Variants in PTPN13 observed in about 807,000 individuals in gnomAD.
PTPN13 encodes tyrosine-protein phosphatase non-receptor type 13.
PTPN13 carries 191 observed loss-of-function variants against 284.0 expected under a neutral mutation model. That is an observed-to-expected ratio of 0.67 (90% confidence interval 0.60 to 0.76). The LOEUF is 0.76. PTPN13 is among the 30% of genes least tolerant of loss of function. The pLI, the probability that PTPN13 is intolerant of heterozygous loss-of-function variation, is 0.00. For synonymous variants in PTPN13, 986 were observed against 1,022.3 expected (o/e 0.96, Z 0.68); for missense variants, 2,797 against 2,939.9 (o/e 0.95, Z 1.12).
In PTPN13 at chr4:86,707,725, ATTAT is replaced by A. The variant is rs1324959082; in HGVS notation, c.1195+5928_1195+5931del. Among the ~76,000 whole-genome samples, 5 of 152,114 alleles carry A rather than the reference ATTAT, an allele frequency of 3.3e-5. No homozygotes were observed. In the East Asian group the frequency reaches 9.6e-4, roughly 29 times the overall value. On this transcript the variant is annotated intron_variant, in intron 7 of 47. Coordinates refer to ENST00000411767, the MANE Select transcript of PTPN13 (RefSeq NM_080683.3). ...ATAGCAAGAAAAAAATGATTGAGTT[ATTAT>A]TTAAGTTACTCCGTGAGCTAAAATA...
chr4:86,605,619 T>C (rs1168363025), intron 1 of PTPN13, among the ~76,000 whole-genome samples: 1 of 151,798 alleles, frequency 6.6e-6, no homozygotes, highest in Non-Finnish European at 1.5e-5. Flanking sequence ...TATTGATGAA[T>C]AGAAATAAAA....
intron 3 of PTPN13, among the ~76,000 whole-genome samples, chr4:86,684,455 G>A (rs944279353): frequency 6.6e-6 from 1 of 152,066 alleles, no homozygotes; most frequent in Non-Finnish European, 1.5e-5. Flanking sequence ...AAATCTGCTT[G>A]CAAAATGGAA....
chr4:86,803,135 TAC>T (rs1026560068), intron 42 of PTPN13, among the ~76,000 whole-genome samples: 8 of 150,100 alleles, frequency 5.3e-5, no homozygotes, highest in East Asian at 2.0e-4. Context: ...CTTAGCCAGG[TAC>T]ACACACACAT....
At chr4:86,650,239 A>C (rs529725114) in intron 2 of PTPN13, among the ~76,000 whole-genome samples, 43 of 152,218 alleles carry the variant, frequency 2.8e-4, no homozygotes, top group Middle Eastern at 6.8e-3. Context: ...TGCCTGCCTC[A>C]TCCTCCCAAA....
intron 2 of PTPN13, among the ~76,000 whole-genome samples, chr4:86,648,526 C>T (rs180684838): frequency 9.9e-5 from 15 of 152,126 alleles, no homozygotes; most frequent in African/African-American, 7.2e-5. Context: ...AATGTGCTCC[C>T]GTTCCATCCA....
Position 86,778,730 on chromosome 4 carries a change from A to G in PTPN13, c.5892-1672A>G, listed in dbSNP as rs566071796. ...AGCAAAATGATTTCTTTCTTTAAAAAAAAGTGGAGGAAAGTAGAAATTTAC... is the reference window on the plus strand; with the variant it reads ...AGCAAAATGATTTCTTTCTTTAAAAGAAAGTGGAGGAAAGTAGAAATTTAC... On this transcript the variant is annotated intron_variant, in intron 35 of 47. Coordinates refer to ENST00000411767, the MANE Select transcript of PTPN13 (RefSeq NM_080683.3). Among the ~76,000 whole-genome samples the G allele has an allele frequency of 5.3e-5, 8 of 152,302 alleles. No homozygotes were observed. In the East Asian group the frequency reaches 1.5e-3, roughly 29 times the overall value.
chr4:86,735,885 T>C (rs1578532070), intron 15 of PTPN13, 139 bp downstream of exon 15: 5 of 756,546 alleles, frequency 6.6e-6, no homozygotes, highest in African/African-American at 1.8e-5. Flanking sequence ...GCTAAAATTA[T>C]GGTATTTTAA....
chr4:86,639,158 A>G (rs1182251995), intron 2 of PTPN13, among the ~76,000 whole-genome samples: 3 of 151,736 alleles, frequency 2.0e-5, no homozygotes, highest in Non-Finnish European at 4.4e-5. Context: ...AATGGCAATC[A>G]TTAAAAAGTC....
In PTPN13 at chr4:86,734,789, G is replaced by A; in HGVS notation, c.2065G>A (p.Glu689Lys). 1 of 1,613,288 alleles carries A rather than the reference G, an allele frequency of 6.2e-7. No individual in the cohort carries two copies. Among genetic ancestry groups the A allele is most frequent in the Non-Finnish European group, 8.5e-7 (1 of 1,179,476 alleles). Residue 689 changes from glutamate (E) to lysine (K), a missense_variant, in exon 14 of 48, where the codon GAG (glutamate) becomes AAG (lysine). Coordinates refer to ENST00000411767, the MANE Select transcript of PTPN13 (RefSeq NM_080683.3). Reference sequence around the variant, plus strand: ...CCTTCAGCTTCGAAAAGATATTTTGGAGGAAAGGATGCACTGTGATGATGA... The same window carrying A: ...CCTTCAGCTTCGAAAAGATATTTTGAAGGAAAGGATGCACTGTGATGATGA... Reference protein sequence around the residue: ...YYLQLRKDILEERMHCDDETS... With the variant: ...YYLQLRKDILKERMHCDDETS...
intron 45 of PTPN13, among the ~76,000 whole-genome samples, chr4:86,808,229 C>G (rs952578327): frequency 6.6e-6 from 1 of 152,150 alleles, no homozygotes; most frequent in African/African-American, 2.4e-5. Flanking sequence ...ATGGTCAGAC[C>G]TCTAAGTAGA....
intron 7 of PTPN13, among the ~76,000 whole-genome samples, chr4:86,711,098 C>CTTTTTTTTTTTTTTTTTTTTT (rs58186398): frequency 4.1e-5 from 4 of 97,134 alleles, no homozygotes; most frequent in African/African-American, 7.8e-5. Context: ...TAATTATTGC[C>CTTTTTTTTTTTTTTTTTTTTT]TTTTTTTTTT....
chr4:86,725,769 G>T lies in PTPN13; in HGVS notation c.1608+3335G>T, dbSNP rs1332998971. On this transcript the variant is annotated intron_variant, in intron 10 of 47. Coordinates refer to ENST00000411767, the MANE Select transcript of PTPN13 (RefSeq NM_080683.3). ...AAAATTTTCTCCCATTCTGTAGGTTGCCTGTTCACGCTGATGGTAGTTTCT... is the reference window on the plus strand; with the variant it reads ...AAAATTTTCTCCCATTCTGTAGGTTTCCTGTTCACGCTGATGGTAGTTTCT... 2.0e-5 allele frequency among the ~76,000 whole-genome samples: 3 copies of T among 149,440 alleles called. 1 individual carries two copies. Among genetic ancestry groups the T allele is most frequent in the African/African-American group, 7.3e-5 (3 of 40,980 alleles).
At chr4:86,608,175 A>G (rs916496784) in intron 1 of PTPN13, among the ~76,000 whole-genome samples, 1 of 152,072 alleles carries the variant, frequency 6.6e-6, no homozygotes, top group Non-Finnish European at 1.5e-5. Flanking sequence ...TTTCATTTAA[A>G]AAGGCCAGAA....
At chr4:86,670,538 A>G (rs2148887477) in intron 2 of PTPN13, among the ~76,000 whole-genome samples, 1 of 151,978 alleles carries the variant, frequency 6.6e-6, no homozygotes, top group African/African-American at 2.4e-5. Flanking sequence ...TACCTCTGAA[A>G]TATCTTCAGT....
Position 86,762,796 on chromosome 4 carries a change from A to G in PTPN13, c.3623A>G (p.Asp1208Gly), listed in dbSNP as rs1368568696. 1.9e-6 allele frequency: 3 copies of G among 1,613,280 alleles called. No homozygotes were observed. Among genetic ancestry groups the G allele is most frequent in the Non-Finnish European group, 2.5e-6 (3 of 1,179,326 alleles). Reference sequence around the variant, plus strand: ...ATGAAGAAATCTTCCTACATGCAAGACAGTGCTATAGATTCTTCTTCCAAG... The same window carrying G: ...ATGAAGAAATCTTCCTACATGCAAGGCAGTGCTATAGATTCTTCTTCCAAG... ...NYMKKSSYMQDSAIDSSSKDH... is the reference protein window; with the variant it reads ...NYMKKSSYMQGSAIDSSSKDH... The change falls in exon 24 of 48, where the codon GAC (aspartate) becomes GGC (glycine). Residue 1208 changes from aspartate (D) to glycine (G), a missense_variant. By Grantham distance (94) the Asp-to-Gly change is moderately conservative. Coordinates refer to ENST00000411767, the MANE Select transcript of PTPN13 (RefSeq NM_080683.3).
chr4:86,640,330 G>A (rs1022290014), intron 2 of PTPN13, among the ~76,000 whole-genome samples: 7 of 152,070 alleles, frequency 4.6e-5, no homozygotes, highest in Admixed American at 1.3e-4. Context: ...AAATTGGAAA[G>A]TATAGACAGT....
intron 16 of PTPN13, among the ~76,000 whole-genome samples, chr4:86,743,066 T>C (rs1736332845): frequency 6.6e-6 from 1 of 152,198 alleles, no homozygotes; most frequent in Non-Finnish European, 1.5e-5. Context: ...TTTTTTCTTC[T>C]ACTAACCTCT....
At chr4:86,680,371 A>G (rs1266413893) in intron 3 of PTPN13, among the ~76,000 whole-genome samples, 1 of 151,248 alleles carries the variant, frequency 6.6e-6, no homozygotes, top group South Asian at 2.1e-4. Context: ...CTATCTATCT[A>G]TCTATCTATC....
intron 2 of PTPN13, among the ~76,000 whole-genome samples, chr4:86,653,717 G>A (rs1725382049): frequency 6.6e-6 from 1 of 152,012 alleles, no homozygotes; most frequent in Non-Finnish European, 1.5e-5. Flanking sequence ...TGATCACAGT[G>A]TGTATATATT....
Sources: gnomAD v4.1 joint callset for allele counts (sites outside exome capture counted in the v4.1 genomes callset) on GRCh38, gnomAD v4.1.1 for gene constraint, MANE v1.5 for transcripts, NCBI Gene and HGNC (gene_info 2026-07-23, HGNC 2026-07-21) for gene names.